Variants in CRYBB2 observed in about 807,000 individuals in gnomAD.
The protein encoded by CRYBB2 is beta-crystallin B2.
Under a neutral mutation model 24.3 loss-of-function variants are expected in CRYBB2, and 12 were observed. The ratio of observed to expected loss-of-function variants is 0.49; its 90% CI spans 0.32 to 0.80. The LOEUF (loss-of-function observed/expected upper bound fraction) is 0.80, where lower values mean the gene tolerates loss of function less well. CRYBB2 is among the 30% of genes least tolerant of loss of function. The pLI, the probability that CRYBB2 is intolerant of heterozygous loss-of-function variation, is 0.04. For missense variants in CRYBB2, 198 were observed against 268.5 expected (o/e 0.74, Z 1.83); for synonymous variants, 98 against 101.6 (o/e 0.96, Z 0.21).
Position 25,213,805 on chromosome 22 carries a change from A to G in CRYBB2, c.-27+965A>G, listed in dbSNP as rs993352819. On this transcript the variant is annotated intron_variant, in intron 1 of 5. Transcript: ENST00000651629. ...TGATGCCCTCTGGGATCACTTTCCA[A>G]ATAAATTATATGCACCTGAACTTGT... The G allele has an allele frequency of 1.3e-5, 2 of 152,124 alleles. 1 individual carries two copies. Among genetic ancestry groups the G allele is most frequent in the Non-Finnish European group, 2.9e-5 (2 of 68,036 alleles). The allele number at this position is 152,124 out of a possible 1,614,324, so 9.4% of individuals were successfully genotyped here.
intron 5 of CRYBB2, among the ~76,000 whole-genome samples, chr22:25,230,388 C>G (rs1386609462): frequency 6.6e-6 from 1 of 151,860 alleles, no homozygotes; most frequent in Non-Finnish European, 1.5e-5. Flanking sequence ...AAACTCCTGA[C>G]CTCATGACCT....
intron 2 of CRYBB2, 97 bp downstream of exon 2, chr22:25,221,580 C>A (rs1935322378): frequency 6.0e-6 from 5 of 837,108 alleles, no homozygotes; most frequent in Non-Finnish European, 1.0e-5. Context: ...CATGGGTACC[C>A]CCTCTCGACC....
chr22:25,224,103 G>T (rs1163881506), intron 2 of CRYBB2, among the ~76,000 whole-genome samples: 1 of 144,224 alleles, frequency 6.9e-6, no homozygotes, highest in Non-Finnish European at 1.5e-5. Context: ...CAGCCTGGGC[G>T]ACAGAGTGAG....
upstream of CRYBB2, among the ~76,000 whole-genome samples, chr22:25,217,676 C>T (rs1440710535): frequency 6.6e-6 from 1 of 152,168 alleles, no homozygotes; most frequent in African/African-American, 2.4e-5. Context: ...CTGGAGATAC[C>T]ATGGTAAACC....
chr22:25,218,234 G>T (rs187250259), upstream of CRYBB2, among the ~76,000 whole-genome samples: 91 of 150,926 alleles, frequency 6.0e-4, no homozygotes, highest in African/African-American at 2.1e-3. Context: ...ACTCCAGCCT[G>T]GGCGACAGAG....
chr22:25,212,178 G>A (rs748913947), upstream of CRYBB2, among the ~76,000 whole-genome samples: 21 of 152,224 alleles, frequency 1.4e-4, no homozygotes, highest in African/African-American at 4.6e-4. Context: ...GGCTTCCAGA[G>A]CTCCGTTCCA....
chr22:25,221,316 G>A, intron 1 of CRYBB2, 88 bp from the exon 2 acceptor site: 1 of 815,014 alleles, frequency 1.2e-6, no homozygotes, highest in Non-Finnish European at 2.2e-6. Flanking sequence ...GAATGTTTGG[G>A]GCCAGAGGGG....
At chr22:25,211,958 C>G (rs975269760), upstream of CRYBB2, among the ~76,000 whole-genome samples, 2 of 152,206 alleles carry the variant, frequency 1.3e-5, no homozygotes, top group African/African-American at 4.8e-5. Context: ...TGCCTTTGGG[C>G]AAGTCACTTA....
At chr22:25,218,736 GGAGAGA>G (rs71191034), upstream of CRYBB2, among the ~76,000 whole-genome samples, 54 of 35,298 alleles carry the variant, frequency 1.5e-3, no homozygotes, top group Non-Finnish European at 2.2e-3. Flanking sequence ...GAGAGAGAGG[GGAGAGA>G]GAGAGAGAGA....
chr22:25,214,473 AT>A (rs1184847919), intron 1 of CRYBB2, among the ~76,000 whole-genome samples: 1 of 152,226 alleles, frequency 6.6e-6, no homozygotes, highest in Non-Finnish European at 1.5e-5. Context: ...GAAATGAATA[AT>A]GAATTAGTAG....
At chr22:25,220,980 C>T (rs751078856) in intron 1 of CRYBB2, among the ~76,000 whole-genome samples, 2 of 152,106 alleles carry the variant, frequency 1.3e-5, no homozygotes, top group African/African-American at 2.4e-5. Context: ...AACTGGGCAC[C>T]ACCACACCAC....
intron 1 of CRYBB2, among the ~76,000 whole-genome samples, chr22:25,220,391 G>C (rs1935298834): frequency 6.6e-6 from 1 of 152,196 alleles, no homozygotes; most frequent in South Asian, 2.1e-4. Context: ...AATTCTGGCA[G>C]GCAGCAGAGA....
upstream of CRYBB2, among the ~76,000 whole-genome samples, chr22:25,218,699 A>AGG (rs1935226109): frequency 1.7e-5 from 1 of 59,808 alleles, no homozygotes; most frequent in South Asian, 8.1e-4. Context: ...AAAGAGAGAG[A>AGG]GAGAGGGGGA....
chr22:25,212,524 TGGGA>T (rs1935118457), upstream of CRYBB2, among the ~76,000 whole-genome samples: 1 of 152,230 alleles, frequency 6.6e-6, no homozygotes, highest in African/African-American at 2.4e-5. Flanking sequence ...TTGGCTCTCT[TGGGA>T]GGACCTTCTG....
At chr22:25,211,704 G>A (rs1368578305), upstream of CRYBB2, among the ~76,000 whole-genome samples, 1 of 152,198 alleles carries the variant, frequency 6.6e-6, no homozygotes, top group Non-Finnish European at 1.5e-5. Context: ...ATGAGCCACT[G>A]CGCCCAGCCC....
intron 2 of CRYBB2, among the ~76,000 whole-genome samples, chr22:25,223,069 A>T (rs1278752236): frequency 6.6e-6 from 1 of 152,172 alleles, no homozygotes; most frequent in African/African-American, 2.4e-5. Flanking sequence ...GATTAATAAC[A>T]ACGCTATTGA....
chr22:25,213,548 A>G (rs961930996), intron 1 of CRYBB2: 1 of 152,186 alleles, frequency 6.6e-6, no homozygotes, highest in African/African-American at 2.4e-5. Context: ...CCATTTTGCA[A>G]TGTTGCCATC....
intron 3 of CRYBB2, among the ~76,000 whole-genome samples, chr22:25,225,577 G>A (rs1026009094): frequency 7.9e-5 from 12 of 152,192 alleles, no homozygotes; most frequent in African/African-American, 1.9e-4. Context: ...GGAGCTGAAT[G>A]GTTGGCTCAC....
upstream of CRYBB2, among the ~76,000 whole-genome samples, chr22:25,216,788 G>A (rs865838347): frequency 6.6e-5 from 10 of 151,990 alleles, no homozygotes; most frequent in South Asian, 1.0e-3. Flanking sequence ...CCCATTCCCC[G>A]CTCCTCCCAG....
Sources: gnomAD v4.1 joint callset for allele counts (sites outside exome capture counted in the v4.1 genomes callset) on GRCh38, gnomAD v4.1.1 for gene constraint, MANE v1.5 for transcripts, NCBI Gene and HGNC (gene_info 2026-07-23, HGNC 2026-07-21) for gene names.